The following STPG1 variants were observed in gnomAD, a reference collection of about 807,000 sequenced individuals.
The protein encoded by STPG1 is sperm tail PG-rich repeat containing 1, also known as O(6)-methylguanine-induced apoptosis 2.
In STPG1, 33 loss-of-function variants were observed where a neutral mutation model predicts 40.1. The ratio of observed to expected loss-of-function variants is 0.82; its 90% confidence interval spans 0.62 to 1.10. The LOEUF is 1.10. STPG1 is among the 50% of genes least tolerant of loss of function. STPG1 has a pLI of 0.00. For missense variants in STPG1, 396 were observed against 415.1 expected (o/e 0.95, Z 0.40); for synonymous variants, 150 against 155.0 (o/e 0.97, Z 0.24).
intron 1 of STPG1, among the ~76,000 whole-genome samples, chr1:24,407,132 T>G (rs1175044134): frequency 2.0e-5 from 3 of 152,196 alleles, no homozygotes; most frequent in Non-Finnish European, 4.4e-5. Context: ...ACTTTGACTA[T>G]TCTATGTGCC....
At chr1:24,372,035 G>A (rs563207957) in intron 6 of STPG1, among the ~76,000 whole-genome samples, 5 of 152,108 alleles carry the variant, frequency 3.3e-5, no homozygotes, top group East Asian at 1.9e-4. Flanking sequence ...AAAGTTAGCC[G>A]GGCGTGGCGG....
chr1:24,404,076 T>C (rs992148066), intron 1 of STPG1, among the ~76,000 whole-genome samples: 12 of 152,176 alleles, frequency 7.9e-5, no homozygotes, highest in Admixed American at 2.6e-4. Context: ...ATGTTAGTTG[T>C]AGGTTTTTTT....
intron 2 of STPG1, 163 bp downstream of exon 2, chr1:24,401,156 C>T (rs1016188193): frequency 3.9e-5 from 19 of 490,578 alleles, no homozygotes; most frequent in Non-Finnish European, 4.4e-5. Flanking sequence ...TCTTCCCAAT[C>T]GTCACACTTG....
chr1:24,365,101 G>T (rs897210043), intron 7 of STPG1, among the ~76,000 whole-genome samples: 13 of 152,176 alleles, frequency 8.5e-5, no homozygotes, highest in Non-Finnish European at 1.8e-4. Flanking sequence ...ACAGGGTAGC[G>T]GGTGACAGAT....
At chr1:24,396,113 A>C (rs1254317361) in intron 2 of STPG1, among the ~76,000 whole-genome samples, 1 of 152,224 alleles carries the variant, frequency 6.6e-6, no homozygotes, top group Non-Finnish European at 1.5e-5. Flanking sequence ...TACTGTTTTA[A>C]GGTTCTTCTA....
In STPG1 at chr1:24,373,820, G is replaced by A. The variant is rs1485894167; in HGVS notation, c.463-10C>T. 1.3e-6 allele frequency: 2 copies of A among 1,574,780 alleles called. No homozygotes were observed. The highest frequency in any genetic ancestry group is 1.7e-6 in the Non-Finnish European group (2 of 1,145,266). ...AGCAAGAGACAGAGGCCTAGGGGGAGAAAATACACCCAATGTACTCAGTAC... is the reference window on the plus strand; with the variant it reads ...AGCAAGAGACAGAGGCCTAGGGGGAAAAAATACACCCAATGTACTCAGTAC... On this transcript the variant is annotated splice_polypyrimidine_tract_variant and intron_variant, in intron 5 of 8. Coordinates refer to ENST00000337248, the MANE Select transcript of STPG1 (RefSeq NM_001199013.2).
intron 1 of STPG1, among the ~76,000 whole-genome samples, chr1:24,408,638 T>C (rs995890168): frequency 1.9e-4 from 29 of 152,242 alleles, no homozygotes; most frequent in African/African-American, 7.0e-4. Flanking sequence ...CTTCAGGGAT[T>C]ATTGTACTGT....
intron 4 of STPG1, 90 bp from the exon 5 acceptor site, chr1:24,379,913 G>T: frequency 7.6e-7 from 1 of 1,319,170 alleles, no homozygotes; most frequent in Non-Finnish European, 1.0e-6. Context: ...CCAGCACAAG[G>T]TCTAAATGCA....
intron 5 of STPG1, among the ~76,000 whole-genome samples, chr1:24,377,181 G>A (rs1642068983): frequency 6.6e-6 from 1 of 152,124 alleles, no homozygotes. Context: ...CTTGAATTGG[G>A]GAGGCGGAGG....
rs1207154316 is a variant in STPG1, at chr1:24,399,968, T to C, written c.70+1351A>G. 6.6e-6 allele frequency among the ~76,000 whole-genome samples: 1 copy of C among 152,206 alleles called. No individual in the cohort carries two copies. Among genetic ancestry groups the C allele is most frequent in the Non-Finnish European group, 1.5e-5 (1 of 68,038 alleles). ...GCTACTTTGGAAAACTGTTTGGCAA[T>C]ATCAACTAAGCTTACCCTAAACATA... On this transcript the variant is annotated intron_variant, in intron 2 of 8. Transcript: ENST00000337248. The surrounding 1 kb of genome is among the most constrained non-coding windows in gnomAD (Gnocchi z 4.0).
At chr1:24,370,375 G>GCACAAT in intron 6 of STPG1, among the ~76,000 whole-genome samples, 1 of 150,416 alleles carries the variant, frequency 6.6e-6, no homozygotes, top group Admixed American at 6.6e-5. Context: ...GAATGCAGTG[G>GCACAAT]CACAATCACA....
In STPG1 at chr1:24,372,335, C is replaced by T. The variant is rs139407655; in HGVS notation, c.571+1367G>A. 6.8e-3 allele frequency among the ~76,000 whole-genome samples: 1,035 copies of T among 152,340 alleles called. 5 individuals carry two copies. Among genetic ancestry groups the T allele is most frequent in the Middle Eastern group, 0.054 (16 of 294 alleles). On this transcript the variant is annotated intron_variant, in intron 6 of 8. Coordinates refer to ENST00000337248, the MANE Select transcript of STPG1 (RefSeq NM_001199013.2). ...CCCATGATTATGTGGTGAGTACCTG[C>T]TCCATGGGGCTTTGGAGCATTCAGT...
chr1:24,369,818 G>T lies in STPG1; in HGVS notation c.593C>A (p.Ser198Tyr). 1 of 1,607,488 alleles carries T rather than the reference G, an allele frequency of 6.2e-7. No individual in the cohort carries two copies. The highest frequency in any genetic ancestry group is 8.5e-7 in the Non-Finnish European group (1 of 1,175,744). The change falls in exon 7 of 9, where the codon TCC (serine) becomes TAC (tyrosine). Residue 198 changes from serine (S) to tyrosine (Y), a missense_variant. Ser to Tyr is a moderately radical substitution (Grantham distance 144, BLOSUM62 -2). Transcript: ENST00000337248. ...TGTATTTGGCGACTGCTTCACAAGGGATTCGTTGATATCATAATGCCCTAA... is the reference window on the plus strand; with the variant it reads ...TGTATTTGGCGACTGCTTCACAAGGTATTCGTTGATATCATAATGCCCTAA... Reference protein sequence around the residue: ...PPPGHYDINESLVKQSPNTLM... With the variant: ...PPPGHYDINEYLVKQSPNTLM...
intron 1 of STPG1, among the ~76,000 whole-genome samples, chr1:24,405,154 C>T (rs565659170): frequency 8.6e-4 from 131 of 152,296 alleles, no homozygotes; most frequent in African/African-American, 3.1e-3. Context: ...GACAGGGTTT[C>T]ACCATGTTGG....
intron 3 of STPG1, among the ~76,000 whole-genome samples, chr1:24,385,137 A>G (rs770796353): frequency 6.6e-6 from 1 of 152,202 alleles, no homozygotes; most frequent in Non-Finnish European, 1.5e-5. Flanking sequence ...TCCTTAGGGT[A>G]GAAAGCCCAA....
chr1:24,374,162 C>T (rs865788958), intron 5 of STPG1, among the ~76,000 whole-genome samples: 6 of 150,042 alleles, frequency 4.0e-5, no homozygotes, highest in African/African-American at 1.2e-4. Context: ...ATCTGTAAAA[C>T]GGATTGGACA....
chr1:24,364,174 C>G, intron 7 of STPG1: 2 of 1,488,754 alleles, frequency 1.3e-6, no homozygotes, highest in South Asian at 1.3e-5. Flanking sequence ...GACGTTCTCA[C>G]TTTCTTCCAG....
intron 5 of STPG1, among the ~76,000 whole-genome samples, chr1:24,374,281 CAG>C (rs1328479762): frequency 9.9e-6 from 1 of 100,840 alleles, no homozygotes; most frequent in African/African-American, 4.0e-5. Flanking sequence ...TTTTCTGAGA[CAG>C]AGTCTTGCTC....
rs1243912704 is a variant in STPG1 at position 24,379,671 on chromosome 1, A to G, written c.444T>C (p.Pro148=). ...TTCTTACATTGTAATAGTTTGGTGC[A>G]GGAGTTTCAAACTTGAGAGCTTTCA... ...SFMKALKFET[P]APNYYNASVS... The change falls in exon 5 of 9, where the codon CCT becomes CCC. Residue 148 remains proline (P), a synonymous_variant. Transcript: ENST00000337248. 3 of 1,614,192 alleles carry G rather than the reference A, an allele frequency of 1.9e-6. No individual in the cohort carries two copies. Among genetic ancestry groups the G allele is most frequent in the Middle Eastern group, 1.6e-4 (1 of 6,062 alleles).
Sources: allele counts gnomAD v4.1 joint callset (sites outside exome capture counted in the v4.1 genomes callset), GRCh38; gene constraint gnomAD v4.1.1; non-coding constraint Gnocchi (gnomAD v3.1); transcripts MANE v1.5; gene names NCBI Gene and HGNC (gene_info 2026-07-23, HGNC 2026-07-21).